ADAMTS5: variants seen among roughly 807,000 people sequenced by gnomAD.
ADAMTS5 encodes the protein ADAM metallopeptidase with thrombospondin type 1 motif 5, also known as A disintegrin and metalloproteinase with thrombospondin motifs 5.
A neutral mutation model predicts 81.4 loss-of-function variants in ADAMTS5; 54 were observed. The observed-to-expected ratio is 0.66, with a 90% CI of 0.53 to 0.83. ADAMTS5 has a LOEUF of 0.83. Among genes scored for constraint, ADAMTS5 ranks in the 40% least tolerant of loss-of-function variants. The probability of loss-of-function intolerance (pLI) is 0.00; values close to 1 mark genes in which losing one functional copy is unlikely to be tolerated. For synonymous variants in ADAMTS5, 532 were observed against 508.8 expected, an observed-to-expected ratio of 1.05 and a Z score of -0.61; for missense variants, 1,194 against 1,229.9, an observed-to-expected ratio of 0.97 and a Z score of 0.44.
At chr21:26,939,861 G>T (rs1323696133) in intron 3 of ADAMTS5, 1 of 152,252 alleles carries the variant, frequency 6.6e-6, no homozygotes, top group Non-Finnish European at 1.5e-5. Flanking sequence ...GAGCTAGCTT[G>T]TATAAACACT....
At chr21:26,927,618 C>T (rs73899332) in intron 7 of ADAMTS5, among the ~76,000 whole-genome samples, 2,489 of 152,204 alleles carry the variant, frequency 0.016, 69 homozygotes, top group African/African-American at 0.057. Context: ...CTTTTAGCAC[C>T]TTAGAGATTA....
intron 3 of ADAMTS5, among the ~76,000 whole-genome samples, chr21:26,943,049 T>C (rs1987143102): frequency 6.6e-6 from 1 of 152,154 alleles, no homozygotes; most frequent in Non-Finnish European, 1.5e-5. Flanking sequence ...AACCAAGATG[T>C]CTGCCAAAGT....
At position 26,920,215 on chromosome 21, in the gene ADAMTS5, G is replaced by A. The variant is rs1043446467; in HGVS notation, c.*3838C>T. On this transcript the variant is annotated 3_prime_UTR_variant, in exon 8 of 8. Coordinates refer to ENST00000284987, the MANE Select transcript of ADAMTS5 (RefSeq NM_007038.5). ...TAAAATGACCTTGTTAACAAGGAAG[G>A]AATCAATGGGGAAATATCACAACCA... 6.6e-6 allele frequency: 1 copy of A among 152,080 alleles called. No individual in the cohort carries two copies. The highest frequency in any genetic ancestry group is 1.5e-5 in the Non-Finnish European group (1 of 67,988). 9.4% of individuals were successfully genotyped at this position (152,080 alleles called of 1,614,324 possible).
chr21:26,931,142 G>A (rs989011600), intron 6 of ADAMTS5, among the ~76,000 whole-genome samples: 1 of 152,076 alleles, frequency 6.6e-6, no homozygotes. Context: ...TGCCTCCCGA[G>A]TTCAAATGAT....
chr21:26,930,657 C>T lies in ADAMTS5; in HGVS notation c.2050-596G>A, dbSNP rs80199633. Among the ~76,000 whole-genome samples, 241 of 152,140 alleles carry T rather than the reference C, an allele frequency of 1.6e-3. 1 individual carries two copies. Among genetic ancestry groups the T allele is most frequent in the Middle Eastern group, 3.4e-3 (1 of 294 alleles). Reference sequence around the variant, plus strand: ...AGAGACTGAATATATTTTGAATAAACGGATTAGTGTATAGTTTAAAAGCTA... The same window carrying T: ...AGAGACTGAATATATTTTGAATAAATGGATTAGTGTATAGTTTAAAAGCTA... On this transcript the variant is annotated intron_variant, in intron 6 of 7. Transcript: ENST00000284987.
chr21:26,923,822 G>C lies in ADAMTS5; in HGVS notation c.*231C>G, dbSNP rs111329078. The stretch of plus-strand genomic sequence containing the variant: ...TCATCAGTGTTTCTTGTAAGCCCAG[G>C]GGATGTTCAATAACTCCCAAGTTTT... On this transcript the variant is annotated 3_prime_UTR_variant, in exon 8 of 8. Coordinates refer to ENST00000284987, the MANE Select transcript of ADAMTS5 (RefSeq NM_007038.5). 2.1e-6 allele frequency: 1 copy of C among 472,114 alleles called. No homozygotes were observed. 29.2% of individuals were successfully genotyped at this position (472,114 alleles called of 1,614,324 possible).
In ADAMTS5 at chr21:26,966,739, G is replaced by GC. The variant is rs1352173857; in HGVS notation, c.-349dup. Among the ~76,000 whole-genome samples the GC allele has an allele frequency of 1.3e-5, 2 of 151,928 alleles. No individual in the cohort carries two copies. The highest frequency in any genetic ancestry group is 2.9e-5 in the Non-Finnish European group (2 of 67,988). On this transcript the variant is annotated 5_prime_UTR_variant, in exon 1 of 8. Coordinates refer to ENST00000284987, the MANE Select transcript of ADAMTS5 (RefSeq NM_007038.5). ...AAAACCAAAAAACCACCAAATGCAG[G>GC]CACGATCGCTGTTTCAAGAAAAGTA...
intron 2 of ADAMTS5, 56 bp downstream of exon 2, chr21:26,954,683 G>C: frequency 6.3e-7 from 1 of 1,596,348 alleles, no homozygotes; most frequent in Non-Finnish European, 8.5e-7. Flanking sequence ...TTTGGTTCCT[G>C]TTGCAGCTGT....
At chr21:26,951,628 G>A (rs1274531821) in intron 2 of ADAMTS5, among the ~76,000 whole-genome samples, 9 of 132,398 alleles carry the variant, frequency 6.8e-5, no homozygotes, top group Admixed American at 2.5e-4. Context: ...GCAGTGAGCT[G>A]AGCCTGCGCC....
Position 26,965,630 on chromosome 21 carries a change from C to G in ADAMTS5, c.762G>C (p.Thr254=), listed in dbSNP as rs377428656. The change falls in exon 1 of 8, where the codon ACG becomes ACC. Residue 254 remains threonine, a synonymous_variant. Coordinates refer to ENST00000284987, the MANE Select transcript of ADAMTS5 (RefSeq NM_007038.5). ...TGGAGCGGCGCCGCCGCCGCCACCACGTCTGCGGTCCTGAGCCCCCAGCGG... is the reference window on the plus strand; with the variant it reads ...TGGAGCGGCGCCGCCGCCGCCACCAGGTCTGCGGTCCTGAGCCCCCAGCGG... The part of the protein sequence containing the change: ...LSPAGGSGPQ[T]WWRRRRRSIS... 1 of 1,597,096 alleles carries G rather than the reference C, an allele frequency of 6.3e-7. No individual in the cohort carries two copies. Among genetic ancestry groups the G allele is most frequent in the Non-Finnish European group, 8.5e-7 (1 of 1,173,516 alleles).
Position 26,923,353 on chromosome 21 carries a change from C to A in ADAMTS5, c.*700G>T, listed in dbSNP as rs1373002984. The A allele has an allele frequency of 6.6e-6, 1 of 151,870 alleles. No individual in the cohort carries two copies. The highest frequency in any genetic ancestry group is 1.5e-5 in the Non-Finnish European group (1 of 67,978). The allele number at this position is 151,870 out of a possible 1,614,324, so 9.4% of individuals were successfully genotyped here. A position where few individuals can be genotyped will look rare whatever the true frequency, so the allele number is the denominator to read the frequency against. On this transcript the variant is annotated 3_prime_UTR_variant, in exon 8 of 8. Coordinates refer to ENST00000284987, the MANE Select transcript of ADAMTS5 (RefSeq NM_007038.5). ...GCAGTCAAAGGTTTAAGTAAATGAA[C>A]CCGTGTATGTATTTAAGTGACTAGA...
rs193223688 is a variant in ADAMTS5, at chr21:26,936,998, A to T, written c.1406-2249T>A. Among the ~76,000 whole-genome samples the T allele has an allele frequency of 2.0e-3, 308 of 152,242 alleles. 1 individual carries two copies. Among genetic ancestry groups the T allele is most frequent in the Admixed American group, 0.012 (183 of 15,290 alleles). ...AAAGTGCTGTTTTAAGAAAGTTTTT[A>T]AAAAAAATTTTACTAAAAAGCACAG... On this transcript the variant is annotated intron_variant, in intron 3 of 7. Transcript: ENST00000284987.
In ADAMTS5 at chr21:26,934,726, G is replaced by A. The variant is rs963577631; in HGVS notation, c.1429C>T (p.Arg477Ter). The change falls in exon 4 of 8, where the codon CGA (arginine) becomes TGA (stop). Residue 477 changes from arginine to a stop codon, truncating the protein, a stop_gained. Transcript: ENST00000284987. LOFTEE classifies it high-confidence loss of function. The part of the protein sequence containing the change: ...GHGNCLLDLP[R>*]KQILGPEELP... ...TCTTCGGGGCCCAGGATCTGCTTTC[G>A]TGGTAGGTCCAGCAAACAGTTACCT... 2.5e-6 allele frequency: 4 copies of A among 1,614,136 alleles called. No homozygotes were observed. Among genetic ancestry groups the A allele is most frequent in the South Asian group, 1.1e-5 (1 of 91,084 alleles).
intron 5 of ADAMTS5, among the ~76,000 whole-genome samples, chr21:26,932,627 G>A (rs1388877619): frequency 1.3e-5 from 2 of 152,142 alleles, no homozygotes; most frequent in East Asian, 3.9e-4. Flanking sequence ...TGTGAACCCA[G>A]GAGGTGGAGA....
intron 1 of ADAMTS5, among the ~76,000 whole-genome samples, chr21:26,955,843 G>A (rs1308410256): frequency 4.6e-5 from 7 of 152,130 alleles, no homozygotes; most frequent in Non-Finnish European, 4.4e-5. Flanking sequence ...GAGCAAGATC[G>A]TGTTTCTAGT....
At chr21:26,944,915 T>G (rs550129369) in intron 2 of ADAMTS5, among the ~76,000 whole-genome samples, 1 of 152,246 alleles carries the variant, frequency 6.6e-6, no homozygotes, top group East Asian at 1.9e-4. Context: ...CTTCCAAGCC[T>G]CCACATTTTT....
intron 6 of ADAMTS5, 32 bp downstream of exon 6, chr21:26,931,972 C>A: frequency 6.4e-7 from 1 of 1,565,142 alleles, no homozygotes; most frequent in Non-Finnish European, 8.7e-7. Flanking sequence ...ACCAGTACGC[C>A]TACTGCTTCT....
intron 3 of ADAMTS5, among the ~76,000 whole-genome samples, chr21:26,935,444 T>C (rs1194197752): frequency 6.6e-6 from 1 of 152,198 alleles, no homozygotes; most frequent in Non-Finnish European, 1.5e-5. Context: ...ACTGATATAA[T>C]TTTAATAAAA....
intron 1 of ADAMTS5, among the ~76,000 whole-genome samples, chr21:26,959,947 G>T (rs568835727): frequency 6.6e-6 from 1 of 152,068 alleles, no homozygotes; most frequent in Non-Finnish European, 1.5e-5. Flanking sequence ...GATTCCTCCA[G>T]TCCTTCATGT....
Sources: allele counts gnomAD v4.1 joint callset (sites outside exome capture counted in the v4.1 genomes callset), GRCh38; gene constraint gnomAD v4.1.1; transcripts MANE v1.5; gene names NCBI Gene and HGNC (gene_info 2026-07-23, HGNC 2026-07-21).